Variants in TAFA5 observed in about 807,000 individuals in gnomAD.
TAFA5 encodes the protein TAFA chemokine like family member 5.
In TAFA5, 6 loss-of-function variants were observed where a neutral mutation model predicts 15.3. That is an observed-to-expected ratio of 0.39 (90% CI 0.21 to 0.77). The LOEUF is 0.77. Ranked by LOEUF, TAFA5 falls within the 30% of genes least tolerant of loss-of-function variation. The probability of loss-of-function intolerance (pLI) is 0.41; values close to 1 mark genes in which losing one functional copy is unlikely to be tolerated. For synonymous variants in TAFA5, 103 were observed against 80.7 expected, an observed-to-expected ratio of 1.28 and a Z score of -1.48; for missense variants, 161 against 193.1, an observed-to-expected ratio of 0.83 and a Z score of 0.98.
chr22:48,556,844 C>T (rs1390129508), intron 1 of TAFA5, among the ~76,000 whole-genome samples: 1 of 152,226 alleles, frequency 6.6e-6, no homozygotes, highest in African/African-American at 2.4e-5. Flanking sequence ...TGCTCACTTC[C>T]CTTGGGGGCA....
At chr22:48,703,107 C>T (rs1928965847) in intron 2 of TAFA5, among the ~76,000 whole-genome samples, 1 of 152,032 alleles carries the variant, frequency 6.6e-6, no homozygotes, top group South Asian at 2.1e-4. Context: ...GTGTGTGCTG[C>T]ACCTATAGAT....
intron 1 of TAFA5, among the ~76,000 whole-genome samples, chr22:48,630,837 C>T (rs1193235166): frequency 6.6e-6 from 1 of 152,084 alleles, no homozygotes; most frequent in East Asian, 1.9e-4. Flanking sequence ...GCCAGCCAGG[C>T]CCCCCGAGGA....
At chr22:48,523,925 G>A (rs1921691839) in intron 1 of TAFA5, among the ~76,000 whole-genome samples, 1 of 152,154 alleles carries the variant, frequency 6.6e-6, no homozygotes, top group Non-Finnish European at 1.5e-5. Flanking sequence ...CCCAGGCGAG[G>A]TGCCCACAGC....
intron 1 of TAFA5, among the ~76,000 whole-genome samples, chr22:48,561,312 C>G (rs1281015918): frequency 6.6e-6 from 1 of 152,150 alleles, no homozygotes; most frequent in Admixed American, 6.5e-5. Context: ...ATAGCCGAGT[C>G]CCCTGGCTGC....
chr22:48,585,831 C>T (rs550290275), intron 1 of TAFA5, among the ~76,000 whole-genome samples: 1 of 152,208 alleles, frequency 6.6e-6, no homozygotes, highest in Admixed American at 6.5e-5. Context: ...AAACACACCC[C>T]CACACAAACA....
intron 2 of TAFA5, among the ~76,000 whole-genome samples, chr22:48,661,467 G>A (rs12157607): frequency 2.6e-5 from 4 of 152,068 alleles, no homozygotes; most frequent in Non-Finnish European, 4.4e-5. Context: ...CCGGTGCCCC[G>A]AGGGTTTGTC....
At chr22:48,647,342 G>A (rs955644891) in intron 2 of TAFA5, among the ~76,000 whole-genome samples, 5 of 152,180 alleles carry the variant, frequency 3.3e-5, no homozygotes, top group Non-Finnish European at 5.9e-5. Flanking sequence ...GTGTTGCTGA[G>A]TGAACACTTG....
intron 1 of TAFA5, among the ~76,000 whole-genome samples, chr22:48,517,081 G>A (rs1479361351): frequency 1.3e-5 from 2 of 152,072 alleles, no homozygotes; most frequent in African/African-American, 4.8e-5. Context: ...CCCACAAAAA[G>A]CCCCGTGCCT....
chr22:48,557,066 G>A (rs1370970554), intron 1 of TAFA5, among the ~76,000 whole-genome samples: 1 of 152,212 alleles, frequency 6.6e-6, no homozygotes, highest in Non-Finnish European at 1.5e-5. Context: ...AGGGAGCGGG[G>A]AGTGCGCCCA....
At position 48,568,876 on chromosome 22, in the gene TAFA5, G is replaced by A. The variant is rs956121036; in HGVS notation, c.113-77721G>A. Among the ~76,000 whole-genome samples, 106 of 152,348 alleles carry A rather than the reference G, an allele frequency of 7.0e-4. 1 individual carries two copies. The highest frequency in any genetic ancestry group is 2.4e-3 in the African/African-American group (100 of 41,584). The stretch of plus-strand genomic sequence containing the variant: ...AGCAGTGCTGAGCACAGCCTCTGGG[G>A]CTGGGGTGGGGGACGAGGGCAGATG... On this transcript the variant is annotated intron_variant, in intron 1 of 3. Coordinates refer to ENST00000402357, the MANE Select transcript of TAFA5 (RefSeq NM_001082967.3).
rs765598795 is a variant in TAFA5 at position 48,585,412 on chromosome 22, T to TAC, written c.113-61175_113-61174dup. On this transcript the variant is annotated intron_variant, in intron 1 of 3. Coordinates refer to ENST00000402357, the MANE Select transcript of TAFA5 (RefSeq NM_001082967.3). The stretch of plus-strand genomic sequence containing the variant: ...CACACCACACACACCACACACCACA[T>TAC]ACACACACACAACACATCACACACA... 1.9e-3 allele frequency among the ~76,000 whole-genome samples: 216 copies of TAC among 115,176 alleles called. 2 individuals carry two copies. Among genetic ancestry groups the TAC allele is most frequent in the African/African-American group, 6.6e-3 (196 of 29,606 alleles). The allele number at this position is 115,176 out of a possible 152,430, so 75.6% of individuals were successfully genotyped here.
intron 1 of TAFA5, among the ~76,000 whole-genome samples, chr22:48,632,325 G>A (rs976883475): frequency 6.6e-6 from 1 of 152,174 alleles, no homozygotes; most frequent in Non-Finnish European, 1.5e-5. Context: ...TTTACACAGT[G>A]AGAAACCCAG....
intron 1 of TAFA5, among the ~76,000 whole-genome samples, chr22:48,554,980 T>C (rs1359821909): frequency 1.2e-4 from 18 of 152,182 alleles, no homozygotes; most frequent in Admixed American, 1.2e-3. Context: ...AGGGTGGCAA[T>C]GTAGCCCCTG....
At chr22:48,522,754 G>A (rs527725902) in intron 1 of TAFA5, among the ~76,000 whole-genome samples, 1 of 152,330 alleles carries the variant, frequency 6.6e-6, no homozygotes, top group Admixed American at 6.5e-5. Context: ...TGGGCCTGTG[G>A]GTGGAAGTTT....
At chr22:48,744,479 G>T (rs769940197) in intron 3 of TAFA5, among the ~76,000 whole-genome samples, 2 of 152,202 alleles carry the variant, frequency 1.3e-5, no homozygotes, top group South Asian at 2.1e-4. Context: ...GCCATGACCC[G>T]TGTGGTTCGT....
chr22:48,745,988 A>G (rs1264252911), intron 3 of TAFA5, among the ~76,000 whole-genome samples: 2 of 152,144 alleles, frequency 1.3e-5, no homozygotes, highest in Non-Finnish European at 2.9e-5. Flanking sequence ...TCCCGGGGAG[A>G]GAGGTGTGTG....
intron 1 of TAFA5, among the ~76,000 whole-genome samples, chr22:48,586,017 G>A (rs1245870673): frequency 6.6e-6 from 1 of 152,232 alleles, no homozygotes; most frequent in African/African-American, 2.4e-5. Context: ...GGGAGAGGAG[G>A]GTGGACCCCA....
Position 48,586,607 on chromosome 22 carries a change from T to C in TAFA5, c.113-59990T>C, listed in dbSNP as rs531593636. 1.7e-4 allele frequency among the ~76,000 whole-genome samples: 26 copies of C among 152,338 alleles called. No individual in the cohort carries two copies. The South Asian group carries it at 5.4e-3, about 32-fold the overall frequency. ...AGGCCACAGGCACTGGCCACAGGAC[T>C]GCGCTGTCTGGAGAGGGATTCGCAC... On this transcript the variant is annotated intron_variant, in intron 1 of 3. Coordinates refer to ENST00000402357, the MANE Select transcript of TAFA5 (RefSeq NM_001082967.3).
chr22:48,642,889 C>G (rs1411034249), intron 1 of TAFA5, among the ~76,000 whole-genome samples: 1 of 152,096 alleles, frequency 6.6e-6, no homozygotes, highest in Non-Finnish European at 1.5e-5. Context: ...GTGGGAGAGC[C>G]AGGGAGCTCC....
Sources: gnomAD v4.1 joint callset for allele counts (sites outside exome capture counted in the v4.1 genomes callset) on GRCh38, gnomAD v4.1.1 for gene constraint, MANE v1.5 for transcripts, NCBI Gene and HGNC (gene_info 2026-07-23, HGNC 2026-07-21) for gene names.